Variants in PRORP observed in about 807,000 individuals in gnomAD.
PRORP encodes the protein mitochondrial ribonuclease P catalytic subunit.
PRORP carries 51 observed loss-of-function variants against 59.4 expected under a neutral mutation model. The ratio of observed to expected loss-of-function variants is 0.86; its 90% CI spans 0.69 to 1.08. PRORP has a LOEUF of 1.08. Among genes scored for constraint, PRORP ranks in the 50% least tolerant of loss-of-function variants. The pLI is 0.00. For missense variants in PRORP, 646 were observed against 690.3 expected, an observed-to-expected ratio of 0.94 and a Z score of 0.72; for synonymous variants, 231 against 245.6, an observed-to-expected ratio of 0.94 and a Z score of 0.55.
At chr14:35,270,069 A>G (rs1222976321) in intron 6 of PRORP, among the ~76,000 whole-genome samples, 3 of 152,206 alleles carry the variant, frequency 2.0e-5, no homozygotes, top group East Asian at 1.9e-4. Context: ...GTGCTCTGTG[A>G]TAGATAAGGC....
At chr14:35,185,100 C>G (rs142321330) in intron 5 of PRORP, among the ~76,000 whole-genome samples, 1 of 152,258 alleles carries the variant, frequency 6.6e-6, no homozygotes, top group African/African-American at 2.4e-5. Context: ...AATTGCCATA[C>G]TGCTTTCCAC....
At chr14:35,245,747 A>G (rs2050466531) in intron 5 of PRORP, among the ~76,000 whole-genome samples, 1 of 152,190 alleles carries the variant, frequency 6.6e-6, no homozygotes, top group Non-Finnish European at 1.5e-5. Flanking sequence ...TGCCCTCTGT[A>G]TCTGATACAC....
intron 4 of PRORP, among the ~76,000 whole-genome samples, chr14:35,152,482 G>T (rs1050339816): frequency 1.6e-4 from 24 of 152,200 alleles, no homozygotes; most frequent in African/African-American, 5.3e-4. Context: ...GGGCAGAGGG[G>T]CTCCTCACTT....
At chr14:35,245,092 T>C (rs1221577756) in intron 5 of PRORP, among the ~76,000 whole-genome samples, 1 of 152,246 alleles carries the variant, frequency 6.6e-6, no homozygotes, top group East Asian at 1.9e-4. Flanking sequence ...GGCAAAGCTG[T>C]AGTTTGGACC....
At chr14:35,205,114 T>G (rs2139144478) in intron 5 of PRORP, among the ~76,000 whole-genome samples, 1 of 152,304 alleles carries the variant, frequency 6.6e-6, no homozygotes, top group African/African-American at 2.4e-5. Flanking sequence ...GATACTATTA[T>G]TTTCTCTCTT....
At chr14:35,151,821 T>C (rs886486395) in intron 4 of PRORP, among the ~76,000 whole-genome samples, 3 of 152,124 alleles carry the variant, frequency 2.0e-5, no homozygotes, top group Non-Finnish European at 4.4e-5. Flanking sequence ...GTTGAATAAA[T>C]GAATAATAGT....
At chr14:35,188,217 G>A (rs2048790934) in intron 5 of PRORP, among the ~76,000 whole-genome samples, 1 of 134,770 alleles carries the variant, frequency 7.4e-6, no homozygotes, top group Admixed American at 7.8e-5. Flanking sequence ...TTGAGACAGA[G>A]TCTCGCTCTG....
chr14:35,272,047 C>CA (rs369960066), intron 7 of PRORP, among the ~76,000 whole-genome samples: 3,968 of 142,134 alleles, frequency 0.028, 166 homozygotes, highest in African/African-American at 0.09. Flanking sequence ...AAAAAAACAA[C>CA]AAAAAAAAAA....
chr14:35,129,042 CAA>C (rs58337817), intron 4 of PRORP, among the ~76,000 whole-genome samples: 12 of 116,652 alleles, frequency 1.0e-4, no homozygotes, highest in Non-Finnish European at 5.5e-5. Context: ...ACTAAAAATA[CAA>C]AAAAAAAAAA....
intron 5 of PRORP, among the ~76,000 whole-genome samples, chr14:35,183,500 A>C (rs1402564509): frequency 4.6e-5 from 7 of 152,142 alleles, no homozygotes; most frequent in Admixed American, 4.6e-4. Flanking sequence ...ACCTGTTGTT[A>C]GACAAATGAG....
chr14:35,175,206 T>C (rs1184473944), intron 4 of PRORP, among the ~76,000 whole-genome samples: 1 of 152,158 alleles, frequency 6.6e-6, no homozygotes, highest in African/African-American at 2.4e-5. Flanking sequence ...TAAACATACA[T>C]GTGCATGTGT....
At chr14:35,250,046 G>A (rs1049411875) in intron 5 of PRORP, among the ~76,000 whole-genome samples, 1 of 151,916 alleles carries the variant, frequency 6.6e-6, no homozygotes, top group Non-Finnish European at 1.5e-5. Context: ...CCAGGAGTTC[G>A]AGACCAGCCT....
chr14:35,181,479 A>G (rs2048604138), intron 5 of PRORP, among the ~76,000 whole-genome samples: 3 of 152,124 alleles, frequency 2.0e-5, no homozygotes, highest in African/African-American at 4.8e-5. Context: ...TAATTAAACT[A>G]TTTCTTAAAA....
At chr14:35,230,938 A>AAC (rs60270535) in intron 5 of PRORP, among the ~76,000 whole-genome samples, 19,331 of 144,310 alleles carry the variant, frequency 0.13, 1,308 homozygotes, top group South Asian at 0.19. Context: ...AGGAAAAGAG[A>AAC]ACACACACAC....
At chr14:35,259,342 A>G (rs2050839877) in intron 5 of PRORP, among the ~76,000 whole-genome samples, 1 of 151,924 alleles carries the variant, frequency 6.6e-6, no homozygotes. Flanking sequence ...ATTTGATTAT[A>G]TTTGAAGTGA....
chr14:35,132,644 G>A (rs777154261), intron 4 of PRORP, among the ~76,000 whole-genome samples: 6 of 151,798 alleles, frequency 4.0e-5, no homozygotes, highest in Non-Finnish European at 8.8e-5. Flanking sequence ...AAAATTAGCT[G>A]GAAATGGTGG....
chr14:35,157,653 G>A lies in PRORP; in HGVS notation c.1168-23017G>A, dbSNP rs917358543. ...GATCTGCCTGCCTTGGCCTCCCAAAGTGCTGGGATTACAGTGTGAGCCACG... is the reference window on the plus strand; with the variant it reads ...GATCTGCCTGCCTTGGCCTCCCAAAATGCTGGGATTACAGTGTGAGCCACG... On this transcript the variant is annotated intron_variant, in intron 4 of 7. Transcript: ENST00000534898. Among the ~76,000 whole-genome samples, 10 of 152,160 alleles carry A rather than the reference G, an allele frequency of 6.6e-5. No individual in the cohort carries two copies. In the South Asian group the frequency reaches 1.2e-3, roughly 19 times the overall value.
intron 7 of PRORP, 107 bp from the exon 8 acceptor site, chr14:35,273,328 A>G (rs185954971): frequency 2.2e-5 from 23 of 1,044,676 alleles, no homozygotes; most frequent in Non-Finnish European, 3.1e-5. Context: ...GAGATAATCC[A>G]TTATCAATAC....
intron 4 of PRORP, among the ~76,000 whole-genome samples, chr14:35,170,375 A>G (rs1402839137): frequency 1.3e-5 from 2 of 151,704 alleles, no homozygotes; most frequent in Non-Finnish European, 2.9e-5. Context: ...GCTTTTATCT[A>G]TACCTTTTTG....
Sources: gnomAD v4.1 joint callset for allele counts (sites outside exome capture counted in the v4.1 genomes callset) on GRCh38, gnomAD v4.1.1 for gene constraint, MANE v1.5 for transcripts, NCBI Gene and HGNC (gene_info 2026-07-23, HGNC 2026-07-21) for gene names.